LAMB4: variants seen among roughly 807,000 people sequenced by gnomAD.
The protein encoded by LAMB4 is laminin subunit beta-4.
A neutral mutation model predicts 199.2 loss-of-function variants in LAMB4; 196 were observed. The observed-to-expected ratio is 0.98, with a 90% CI of 0.88 to 1.11. The LOEUF (loss-of-function observed/expected upper bound fraction) is 1.11, where lower values mean the gene tolerates loss of function less well. Ranked by LOEUF, LAMB4 falls within the 50% of genes least tolerant of loss-of-function variation. The pLI is 0.00. For synonymous variants in LAMB4, 744 were observed against 770.6 expected, an observed-to-expected ratio of 0.97 and a Z score of 0.57; for missense variants, 2,080 against 2,171.2, an observed-to-expected ratio of 0.96 and a Z score of 0.83.
intron 17 of LAMB4, among the ~76,000 whole-genome samples, chr7:108,073,480 T>C (rs767831827): frequency 2.0e-5 from 3 of 152,356 alleles, no homozygotes; most frequent in African/African-American, 7.2e-5. Context: ...GCACATACCA[T>C]GTAATCTGGG....
Position 108,034,257 on chromosome 7 carries a change from A to G in LAMB4, c.4769T>C (p.Ile1590Thr), listed in dbSNP as rs147242067. The G allele has an allele frequency of 4.3e-6, 7 of 1,613,930 alleles. No individual in the cohort carries two copies. The highest frequency in any genetic ancestry group is 5.9e-6 in the Non-Finnish European group (7 of 1,179,980). The stretch of plus-strand genomic sequence containing the variant: ...TGTTATATTGGCAGTCAGCTGTGTA[A>G]TGGTAGAGTTTGCCCGTCCTTGAGT... ...QITQGRANST[I>T]TQLTANITKI... Residue 1590 changes from isoleucine (I) to threonine (T), a missense_variant, in exon 31 of 34, where the codon ATT becomes ACT. Physicochemically the swap from Ile to Thr is moderately conservative, Grantham distance 89. Transcript: ENST00000388781.
rs545205721 is a variant in LAMB4, at chr7:108,086,983, T to C, written c.1701+4643A>G. On this transcript the variant is annotated intron_variant, in intron 14 of 33. Transcript: ENST00000388781. ...TCATTCCCCAGTCTCCTCTTTCAGG[T>C]GGACTTCAGATTGTGGAGAGCCACT... Among the ~76,000 whole-genome samples the C allele has an allele frequency of 3.8e-4, 58 of 152,196 alleles. 1 individual carries two copies. The South Asian group carries it at 0.011, about 30-fold the overall frequency.
In LAMB4 at chr7:108,111,998, T is replaced by A. The variant is rs770048389; in HGVS notation, c.193-52A>T. 2.1e-5 allele frequency: 30 copies of A among 1,462,148 alleles called. No homozygotes were observed. In the African/African-American group the frequency reaches 4.3e-4, roughly 21 times the overall value. The allele number at this position is 1,462,148 out of a possible 1,614,324, so 90.6% of individuals were successfully genotyped here. On this transcript the variant is annotated intron_variant, in intron 3 of 33. Transcript: ENST00000388781. ...AAATAAAAATTGGAATTACATATTGTTGGGCTAAATTAAAGGCAAGCTGTA... is the reference window on the plus strand; with the variant it reads ...AAATAAAAATTGGAATTACATATTGATGGGCTAAATTAAAGGCAAGCTGTA...
intron 12 of LAMB4, among the ~76,000 whole-genome samples, chr7:108,092,859 G>A (rs1007758705): frequency 1.3e-5 from 2 of 152,024 alleles, no homozygotes; most frequent in African/African-American, 2.4e-5. Flanking sequence ...AGCTGAGATC[G>A]TGCCACTGTA....
At chr7:108,129,169 TGAAGA>T (rs1361632332) in intron 1 of LAMB4, among the ~76,000 whole-genome samples, 1 of 152,154 alleles carries the variant, frequency 6.6e-6, no homozygotes, top group African/African-American at 2.4e-5. Context: ...ATGAAACAGA[TGAAGA>T]GAAAAGGGCC....
At chr7:108,021,828 C>G (rs1378071839), downstream of LAMB4, among the ~76,000 whole-genome samples, 1 of 152,158 alleles carries the variant, frequency 6.6e-6, no homozygotes, top group Non-Finnish European at 1.5e-5. Context: ...TACCTGGCAT[C>G]AAAATCCTTC....
Position 108,115,582 on chromosome 7 carries a change from C to T in LAMB4, c.192+422G>A, listed in dbSNP as rs1310348858. Among the ~76,000 whole-genome samples the T allele has an allele frequency of 2.0e-5, 3 of 152,096 alleles. No homozygotes were observed. In the East Asian group the frequency reaches 5.8e-4, roughly 29 times the overall value. On this transcript the variant is annotated intron_variant, in intron 3 of 33. Transcript: ENST00000388781. ...GCTGCTTCAGAGGCTGAGGTACACT[C>T]CAGCCTGGGCAGCAGAGTGAGACCC... is the stretch of plus-strand genomic sequence containing the variant.
intron 32 of LAMB4, among the ~76,000 whole-genome samples, chr7:108,029,469 A>G (rs1446420482): frequency 1.3e-5 from 2 of 152,214 alleles, no homozygotes; most frequent in African/African-American, 4.8e-5. Flanking sequence ...TGAGGCACCA[A>G]TTGGTTGTTC....
chr7:108,044,955 C>CAAAAAAAAAAAAAAAAAAA (rs756256335), intron 28 of LAMB4, among the ~76,000 whole-genome samples: 17 of 56,260 alleles, frequency 3.0e-4, no homozygotes, highest in South Asian at 6.6e-4. Flanking sequence ...ATTCTTGTCT[C>CAAAAAAAAAAAAAAAAAAA]AAAAAAAAAA....
intron 14 of LAMB4, among the ~76,000 whole-genome samples, chr7:108,091,127 T>C (rs1278745431): frequency 2.0e-5 from 3 of 151,908 alleles, no homozygotes; most frequent in Admixed American, 1.3e-4. Context: ...CCTATTCCTA[T>C]CTGGAGTCAC....
At position 108,116,176 on chromosome 7, in the gene LAMB4, A is replaced by C; in HGVS notation, c.35-15T>G. The C allele has an allele frequency of 6.2e-7, 1 of 1,609,474 alleles. No homozygotes were observed. Among genetic ancestry groups the C allele is most frequent in the African/African-American group, 1.3e-5 (1 of 74,960 alleles). On this transcript the variant is annotated splice_polypyrimidine_tract_variant and intron_variant, in intron 2 of 33. Transcript: ENST00000388781. ...ACTGAGCCACCCTTGAACACAACAG[A>C]AATAGCTTACACGGAAGGCAGTCTA...
intron 28 of LAMB4, among the ~76,000 whole-genome samples, chr7:108,044,966 AAAAAAAAAG>A (rs1282044587): frequency 1.4e-5 from 2 of 147,498 alleles, no homozygotes; most frequent in African/African-American, 5.3e-5. Context: ...AAAAAAAAAA[AAAAAAAAAG>A]AAAAGAAAAG....
intron 14 of LAMB4, among the ~76,000 whole-genome samples, chr7:108,089,373 T>A (rs772100431): frequency 6.6e-6 from 1 of 152,380 alleles, no homozygotes; most frequent in Non-Finnish European, 1.5e-5. Flanking sequence ...CACTCCCTGC[T>A]GTACCTGTGA....
chr7:108,018,293 A>G, the LAMB4 span, among the ~76,000 whole-genome samples: 1 of 152,232 alleles, frequency 6.6e-6, no homozygotes, highest in Non-Finnish European at 1.5e-5. Flanking sequence ...CTACATGGGA[A>G]CATCACCCCA....
At chr7:108,049,952 A>G (rs2150523859) in intron 26 of LAMB4, among the ~76,000 whole-genome samples, 1 of 152,366 alleles carries the variant, frequency 6.6e-6, no homozygotes, top group South Asian at 2.1e-4. Context: ...ACACTCAAAT[A>G]TAATAAACCA....
intron 13 of LAMB4, 74 bp downstream of exon 13, chr7:108,092,263 C>T: frequency 1.8e-6 from 2 of 1,142,082 alleles, no homozygotes; most frequent in Non-Finnish European, 2.6e-6. Flanking sequence ...TCACCTATGA[C>T]TATGAGCGTA....
intron 19 of LAMB4, 134 bp downstream of exon 19, chr7:108,067,882 G>A (rs1309246671): frequency 1.9e-6 from 2 of 1,078,590 alleles, no homozygotes; most frequent in East Asian, 2.4e-5. Context: ...TATATTTTAT[G>A]TACATAGATA....
intron 1 of LAMB4, among the ~76,000 whole-genome samples, chr7:108,123,545 T>C (rs967926614): frequency 5.3e-5 from 8 of 152,172 alleles, no homozygotes; most frequent in Non-Finnish European, 1.0e-4. Flanking sequence ...ATACTTATTA[T>C]AGAAAAAGTA....
intron 12 of LAMB4, among the ~76,000 whole-genome samples, chr7:108,094,622 T>A (rs1453247515): frequency 6.6e-6 from 1 of 151,768 alleles, no homozygotes; most frequent in African/African-American, 2.4e-5. Flanking sequence ...CTGCCAAGAT[T>A]GGAGAACAAA....
Sources: gnomAD v4.1 joint callset for allele counts (sites outside exome capture counted in the v4.1 genomes callset) on GRCh38, gnomAD v4.1.1 for gene constraint, MANE v1.5 for transcripts, NCBI Gene and HGNC (gene_info 2026-07-23, HGNC 2026-07-21) for gene names.